The following PARD3B variants were observed in gnomAD, a reference collection of about 807,000 sequenced individuals.
PARD3B encodes par-3 family cell polarity regulator beta, also known as partitioning defective 3 homolog B.
Under a neutral mutation model 130.2 loss-of-function variants are expected in PARD3B, and 103 were observed. The ratio of observed to expected loss-of-function variants is 0.79; its 90% CI spans 0.67 to 0.93. The LOEUF (loss-of-function observed/expected upper bound fraction) is 0.93. Among genes scored for constraint, PARD3B ranks in the 40% least tolerant of loss-of-function variants. The probability of loss-of-function intolerance (pLI) is 0.00; values close to 1 mark genes in which losing one functional copy is unlikely to be tolerated. For missense variants in PARD3B, 1,609 were observed against 1,499.2 expected, an observed-to-expected ratio of 1.07 and a Z score of -1.21; for synonymous variants, 583 against 553.2, an observed-to-expected ratio of 1.05 and a Z score of -0.76.
intron 2 of PARD3B, among the ~76,000 whole-genome samples, chr2:204,936,939 T>C (rs1011210775): frequency 1.3e-5 from 2 of 152,286 alleles, no homozygotes; most frequent in African/African-American, 4.8e-5. Flanking sequence ...ATGTGTATTA[T>C]ATACTTGTAA....
chr2:204,633,095 C>T (rs1197787112), intron 1 of PARD3B, among the ~76,000 whole-genome samples: 1 of 152,112 alleles, frequency 6.6e-6, no homozygotes, highest in Non-Finnish European at 1.5e-5. Flanking sequence ...GGATATATAC[C>T]TAGCAGTGAG....
At position 205,245,917 on chromosome 2, in the gene PARD3B, C is replaced by T. The variant is rs2039552770; in HGVS notation, c.2185+95C>T. ...GGAACCTGTTTCTATCCACTAGTCA[C>T]TGAAAGGCTTTCTAATTAATACATG... On this transcript the variant is annotated intron_variant, in intron 16 of 22. Transcript: ENST00000406610. 3 of 1,016,690 alleles carry T rather than the reference C, an allele frequency of 3.0e-6. No individual in the cohort carries two copies. The Admixed American group carries it at 5.3e-5, about 18-fold the overall frequency. The allele number at this position is 1,016,690 out of a possible 1,614,324, so 63.0% of individuals were successfully genotyped here. A position where few individuals can be genotyped will look rare whatever the true frequency, so the allele number is the denominator to read the frequency against.
chr2:204,614,645 G>T (rs541910141), intron 1 of PARD3B, among the ~76,000 whole-genome samples: 1 of 152,092 alleles, frequency 6.6e-6, no homozygotes, highest in South Asian at 2.1e-4. Flanking sequence ...GGGGCCTGTT[G>T]GGGGATATTT....
At chr2:204,857,547 A>C (rs2045002208) in intron 2 of PARD3B, among the ~76,000 whole-genome samples, 1 of 152,172 alleles carries the variant, frequency 6.6e-6, no homozygotes, top group Non-Finnish European at 1.5e-5. Flanking sequence ...GCAAAAAAAC[A>C]GAGAGACCTG....
intron 18 of PARD3B, among the ~76,000 whole-genome samples, chr2:205,319,990 C>A (rs1035420022): frequency 6.6e-6 from 1 of 151,826 alleles, no homozygotes; most frequent in Non-Finnish European, 1.5e-5. Flanking sequence ...ACCAGCCTGG[C>A]CAATATGGTG....
chr2:205,569,251 T>C (rs1329512505), intron 22 of PARD3B, among the ~76,000 whole-genome samples: 2 of 152,138 alleles, frequency 1.3e-5, no homozygotes, highest in South Asian at 2.1e-4. Flanking sequence ...CTTCTTGATT[T>C]CCTAGAGCCC....
At chr2:205,120,544 A>G (rs1367827117) in intron 7 of PARD3B, among the ~76,000 whole-genome samples, 1 of 152,220 alleles carries the variant, frequency 6.6e-6, no homozygotes, top group African/African-American at 2.4e-5. Context: ...AGAATAGCTG[A>G]AACAAGATTA....
At chr2:205,447,241 T>C (rs1330972872) in intron 20 of PARD3B, among the ~76,000 whole-genome samples, 1 of 152,226 alleles carries the variant, frequency 6.6e-6, no homozygotes, top group Admixed American at 6.5e-5. Flanking sequence ...CAGCCCATTT[T>C]GGAGACCACT....
intron 16 of PARD3B, among the ~76,000 whole-genome samples, chr2:205,271,185 A>C (rs568177960): frequency 2.0e-5 from 3 of 152,226 alleles, no homozygotes; most frequent in Non-Finnish European, 2.9e-5. Flanking sequence ...GAAAAAAATC[A>C]TACTCTTAAG....
chr2:205,053,487 A>G (rs1426473259), intron 4 of PARD3B, among the ~76,000 whole-genome samples: 1 of 151,912 alleles, frequency 6.6e-6, no homozygotes, highest in African/African-American at 2.4e-5. Flanking sequence ...AAATACAAAA[A>G]AAATTATCCA....
rs1222750220 is a variant in PARD3B, at chr2:205,530,486, TTCTGCTTTG to T, written c.3181-22829_3181-22821del. ...GTCTTTTTGTTTTTATTTTCTCCTT[TTCTGCTTTG>T]TCTGCTTTCTTCCAGAATACAGCGT... On this transcript the variant is annotated intron_variant, in intron 21 of 22. Coordinates refer to ENST00000406610, the MANE Select transcript of PARD3B (RefSeq NM_001302769.2). This position sits in a 1 kb window ranked among gnomAD's most constrained non-coding sequence, Gnocchi z 4.7. Among the ~76,000 whole-genome samples, 4 of 152,226 alleles carry T rather than the reference TTCTGCTTTG, an allele frequency of 2.6e-5. No homozygotes were observed. The highest frequency in any genetic ancestry group is 5.9e-5 in the Non-Finnish European group (4 of 68,044).
intron 21 of PARD3B, among the ~76,000 whole-genome samples, chr2:205,523,196 C>T (rs1303681344): frequency 7.1e-6 from 1 of 140,314 alleles, no homozygotes; most frequent in Non-Finnish European, 1.5e-5. Flanking sequence ...GTTTTCTTAC[C>T]CCCGTGTACT....
intron 22 of PARD3B, among the ~76,000 whole-genome samples, chr2:205,594,748 A>C (rs1297384095): frequency 6.6e-6 from 1 of 152,206 alleles, no homozygotes; most frequent in African/African-American, 2.4e-5. Flanking sequence ...ATGGGAGTGT[A>C]TAAAAATGAG....
intron 4 of PARD3B, chr2:205,103,718 C>A (rs1216286601): frequency 1.0e-6 from 1 of 985,366 alleles, no homozygotes; most frequent in African/African-American, 1.7e-5. Context: ...TGTAAGGAAG[C>A]AGCAGCATCA....
intron 15 of PARD3B, among the ~76,000 whole-genome samples, chr2:205,237,721 C>G (rs2039132218): frequency 6.6e-6 from 1 of 151,988 alleles, no homozygotes; most frequent in Admixed American, 6.6e-5. Context: ...GAATCACTAC[C>G]CTAGTGGTCA....
rs932869025 is a variant in PARD3B, at chr2:205,584,992, G to C, written c.3261-30464G>C. Among the ~76,000 whole-genome samples the C allele has an allele frequency of 6.6e-6, 1 of 152,114 alleles. No homozygotes were observed. Among genetic ancestry groups the C allele is most frequent in the Non-Finnish European group, 1.5e-5 (1 of 68,022 alleles). On this transcript the variant is annotated intron_variant, in intron 22 of 22. Coordinates refer to ENST00000406610, the MANE Select transcript of PARD3B (RefSeq NM_001302769.2). The surrounding 1 kb of genome is among the most constrained non-coding windows in gnomAD (Gnocchi z 5.5). ...TTGTTGAAGGCACAGGTGTCTAATT[G>C]CGCCCACAAATGACCGTTTGACAGG...
At chr2:205,601,921 G>T (rs2054801637) in intron 22 of PARD3B, among the ~76,000 whole-genome samples, 1 of 152,130 alleles carries the variant, frequency 6.6e-6, no homozygotes, top group Non-Finnish European at 1.5e-5. Context: ...TGTTGAATAG[G>T]AGTGGTGAGA....
At position 205,352,826 on chromosome 2, in the gene PARD3B, A is replaced by C. The variant is rs2044042779; in HGVS notation, c.2631-48187A>C. Among the ~76,000 whole-genome samples the C allele has an allele frequency of 6.6e-6, 1 of 152,116 alleles. No homozygotes were observed. The highest frequency in any genetic ancestry group is 2.4e-5 in the African/African-American group (1 of 41,420). On this transcript the variant is annotated intron_variant, in intron 18 of 22. Coordinates refer to ENST00000406610, the MANE Select transcript of PARD3B (RefSeq NM_001302769.2). The surrounding 1 kb of genome is among the most constrained non-coding windows in gnomAD (Gnocchi z 5.2). ...TGATTCATCTGTTTTCATTGCTGTCATGAAAACCAGTCTGCATTTCATCAT... is the reference window on the plus strand; with the variant it reads ...TGATTCATCTGTTTTCATTGCTGTCCTGAAAACCAGTCTGCATTTCATCAT...
At chr2:205,151,314 C>A (rs1049637728) in intron 10 of PARD3B, among the ~76,000 whole-genome samples, 1 of 152,110 alleles carries the variant, frequency 6.6e-6, no homozygotes, top group Non-Finnish European at 1.5e-5. Context: ...TCCTGGATAT[C>A]CTTGTTAACT....
Sources: allele counts gnomAD v4.1 joint callset (sites outside exome capture counted in the v4.1 genomes callset), GRCh38; gene constraint gnomAD v4.1.1; non-coding constraint Gnocchi (gnomAD v3.1); transcripts MANE v1.5; gene names NCBI Gene and HGNC (gene_info 2026-07-23, HGNC 2026-07-21).